The following PPM1F variants were observed in gnomAD, a reference collection of about 807,000 sequenced individuals.
The protein encoded by PPM1F is protein phosphatase, Mg2+/Mn2+ dependent 1F.
In PPM1F, 17 loss-of-function variants were observed where a neutral mutation model predicts 35.5. That is an observed-to-expected ratio of 0.48 (90% CI 0.33 to 0.72). PPM1F has a LOEUF of 0.72. PPM1F is among the 30% of genes least tolerant of loss of function. The pLI, the probability that PPM1F is intolerant of heterozygous loss-of-function variation, is 0.02. For synonymous variants in PPM1F, 241 were observed against 255.5 expected (o/e 0.94, Z 0.54); for missense variants, 521 against 613.0 (o/e 0.85, Z 1.59).
chr22:21,926,638 C>T (rs1193877912), intron 6 of PPM1F, among the ~76,000 whole-genome samples: 1 of 152,196 alleles, frequency 6.6e-6, no homozygotes, highest in African/African-American at 2.4e-5. Context: ...GCCTGCACAA[C>T]AGCATCCCTG....
Position 21,929,090 on chromosome 22 carries a change from C to T in PPM1F, c.891+2058G>A, listed in dbSNP as rs539223220. Among the ~76,000 whole-genome samples the T allele has an allele frequency of 5.3e-5, 8 of 152,278 alleles. No individual in the cohort carries two copies. The East Asian group carries it at 1.4e-3, about 26-fold the overall frequency. On this transcript the variant is annotated intron_variant, in intron 6 of 7. Transcript: ENST00000263212. The stretch of plus-strand genomic sequence containing the variant: ...CTGCTCTGGGCCGCTGCTGGACCCC[C>T]GTTGAAGCTCGCCAAGTTGAGGCCA...
chr22:21,939,489 T>G lies in PPM1F; in HGVS notation c.355+43A>C. 1 of 1,606,670 alleles carries G rather than the reference T, an allele frequency of 6.2e-7. No homozygotes were observed. Among genetic ancestry groups the G allele is most frequent in the South Asian group, 1.1e-5 (1 of 89,748 alleles). On this transcript the variant is annotated intron_variant, in intron 3 of 7. Coordinates refer to ENST00000263212, the MANE Select transcript of PPM1F (RefSeq NM_014634.4). This position sits in a 1 kb window ranked among gnomAD's most constrained non-coding sequence, Gnocchi z 5.1. ...CACAATGTCGTCACCCTTTGTTGCC[T>G]GCTAAGCAGCCCTGGGGCCACCTCA...
At chr22:21,930,001 C>A (rs1438112959) in intron 6 of PPM1F, among the ~76,000 whole-genome samples, 2 of 152,206 alleles carry the variant, frequency 1.3e-5, no homozygotes, top group Non-Finnish European at 2.9e-5. Flanking sequence ...CAAATCATCA[C>A]AGACAAGGAA....
At chr22:21,946,143 G>C (rs1298620837) in intron 1 of PPM1F, 35 bp from the exon 2 acceptor site, 1 of 1,093,304 alleles carries the variant, frequency 9.1e-7, no homozygotes, top group African/African-American at 1.6e-5. Flanking sequence ...AGAATCAGGG[G>C]GCCATGGCAC....
chr22:21,945,663 T>C, intron 2 of PPM1F, 180 bp downstream of exon 2: 1 of 593,180 alleles, frequency 1.7e-6, no homozygotes, highest in South Asian at 2.1e-5. Flanking sequence ...CTGTGTTGAG[T>C]GCCCAGTGTG....
At position 21,921,027 on chromosome 22, in the gene PPM1F, GT is replaced by G. The variant is rs927199918; in HGVS notation, c.*2064del. 20 of 151,860 alleles carry G rather than the reference GT, an allele frequency of 1.3e-4. 1 individual carries two copies. In the East Asian group the frequency reaches 2.3e-3, roughly 18 times the overall value. The allele number at this position is 151,860 out of a possible 1,614,324, so 9.4% of individuals were successfully genotyped here. On this transcript the variant is annotated 3_prime_UTR_variant, in exon 8 of 8. Transcript: ENST00000263212. Reference sequence around the variant, plus strand: ...CTGAATGACAGCGACTATGTTTAAGGTTTTTTTTTGTAAATAAGAGACCTTA... The same window carrying G: ...CTGAATGACAGCGACTATGTTTAAGGTTTTTTTTGTAAATAAGAGACCTTA...
At position 21,931,170 on chromosome 22, in the gene PPM1F, T is replaced by C; in HGVS notation, c.869A>G (p.Glu290Gly). 1 of 1,614,190 alleles carries C rather than the reference T, an allele frequency of 6.2e-7. No homozygotes were observed. The highest frequency in any genetic ancestry group is 8.5e-7 in the Non-Finnish European group (1 of 1,180,030). Reference protein sequence around the residue: ...VQQGQVVKLMEPHRPERQDEK... With the variant: ...VQQGQVVKLMGPHRPERQDEK... ...TACCTGCCGTTCTGGTCTGTGTGGC[T>C]CCATCAGCTTCACCACCTGTCCCTG... The change falls in exon 6 of 8, where the codon GAG (glutamate) becomes GGG (glycine). Residue 290 changes from glutamate (E) to glycine (G), a missense_variant. Physicochemically the swap from Glu to Gly is moderately conservative, Grantham distance 98. Coordinates refer to ENST00000263212, the MANE Select transcript of PPM1F (RefSeq NM_014634.4).
intron 6 of PPM1F, among the ~76,000 whole-genome samples, chr22:21,928,323 C>A (rs1199691644): frequency 6.6e-6 from 1 of 152,192 alleles, no homozygotes; most frequent in African/African-American, 2.4e-5. Context: ...CCTGCAGAGC[C>A]GGGACTCCTA....
Position 21,924,424 on chromosome 22 carries a change from C to G in PPM1F, c.986-953G>C, listed in dbSNP as rs147660074. Among the ~76,000 whole-genome samples, 1,009 of 152,278 alleles carry G rather than the reference C, an allele frequency of 6.6e-3. 5 individuals carry two copies. The highest frequency in any genetic ancestry group is 0.022 in the African/African-American group (899 of 41,534). On this transcript the variant is annotated intron_variant, in intron 7 of 7. Transcript: ENST00000263212. Reference sequence around the variant, plus strand: ...CTGCGATTACAGGCAGGCACCACCACGCCCGGCTAATGTTTTTTGTATTTT... The same window carrying G: ...CTGCGATTACAGGCAGGCACCACCAGGCCCGGCTAATGTTTTTTGTATTTT...
Position 21,934,187 on chromosome 22 carries a change from C to A in PPM1F, c.395G>T (p.Arg132Leu). 3 of 1,578,972 alleles carry A rather than the reference C, an allele frequency of 1.9e-6. No individual in the cohort carries two copies. The highest frequency in any genetic ancestry group is 2.6e-6 in the Non-Finnish European group (3 of 1,162,170). ...AQSLAQSFFN[R>L]LWEVAGQWQK... is the part of the protein sequence containing the mutation. ...CCACTGGCCGGCGACTTCCCAAAGG[C>A]GGTTAAAGAAACTCTGTGCCAGGCT... is the stretch of plus-strand genomic sequence containing the variant. The change falls in exon 4 of 8, where the codon CGC becomes CTC. Residue 132 changes from arginine (R) to leucine (L), a missense_variant. Arg to Leu is a moderately radical substitution (Grantham distance 102). Around this residue, in one of 3 missense-constraint regions of PPM1F, gnomAD observed 311 missense variants for 351.5 expected, o/e 0.88. Coordinates refer to ENST00000263212, the MANE Select transcript of PPM1F (RefSeq NM_014634.4).
At chr22:21,949,312 G>T (rs894946173) in intron 1 of PPM1F, 5 of 152,248 alleles carry the variant, frequency 3.3e-5, no homozygotes, top group African/African-American at 1.2e-4. Context: ...AAGGCAAGGG[G>T]TGAGGAGAGA....
chr22:21,938,761 G>A, intron 3 of PPM1F: 1 of 198,410 alleles, frequency 5.0e-6, no homozygotes, highest in Non-Finnish European at 9.1e-6. Context: ...CTTACGCCCT[G>A]TATTTCTGGT....
In PPM1F at chr22:21,921,706, G is replaced by C. The variant is rs1292069014; in HGVS notation, c.*1386C>G. On this transcript the variant is annotated 3_prime_UTR_variant, in exon 8 of 8. Coordinates refer to ENST00000263212, the MANE Select transcript of PPM1F (RefSeq NM_014634.4). The stretch of plus-strand genomic sequence containing the variant: ...AGCATCCCTGCTGCCTCCAGACTGA[G>C]ACAGAGACCCACGGGCTGCCTCTGT... 6.6e-6 allele frequency: 1 copy of C among 152,312 alleles called. No homozygotes were observed. Among genetic ancestry groups the C allele is most frequent in the Non-Finnish European group, 1.5e-5 (1 of 68,082 alleles). 9.4% of individuals were successfully genotyped at this position (152,312 alleles called of 1,614,324 possible).
At chr22:21,942,094 GT>G (rs2070731573) in intron 2 of PPM1F, 1 of 152,344 alleles carries the variant, frequency 6.6e-6, no homozygotes, top group Non-Finnish European at 1.5e-5. Flanking sequence ...GAGAGTGGGG[GT>G]CAGGGGAGCA....
chr22:21,925,193 C>T (rs766404689), intron 7 of PPM1F: 18 of 362,264 alleles, frequency 5.0e-5, no homozygotes, highest in East Asian at 3.7e-4. Context: ...CCGCGCCCAG[C>T]GAACCCACTT....
intron 3 of PPM1F, chr22:21,935,397 C>CT (rs2070647792): frequency 6.6e-6 from 1 of 152,138 alleles, no homozygotes; most frequent in Non-Finnish European, 1.5e-5. Context: ...AGGAGGGATC[C>CT]TGGTGATGGA....
rs9610615 is a variant in PPM1F at position 21,923,655 on chromosome 22, C to G, written c.986-184G>C. Among the ~76,000 whole-genome samples, 1,087 of 152,104 alleles carry G rather than the reference C, an allele frequency of 7.1e-3. 9 individuals are homozygous for G. The highest frequency in any genetic ancestry group is 9.5e-3 in the Non-Finnish European group (648 of 67,982). On this transcript the variant is annotated intron_variant, in intron 7 of 7. Transcript: ENST00000263212. ...TCCCACTTGCCTGGGAACGGAAACC[C>G]CTGACCTTGGCCTGTGAGCTCCCCC...
At chr22:21,925,332 G>C (rs2070499367) in intron 7 of PPM1F, 1 of 440,108 alleles carries the variant, frequency 2.3e-6, no homozygotes, top group Non-Finnish European at 4.1e-6. Context: ...GAGATTTGTA[G>C]GAGCTGTTTT....
chr22:21,934,334 C>T, intron 3 of PPM1F, 108 bp from the exon 4 acceptor site: 1 of 858,422 alleles, frequency 1.2e-6, no homozygotes, highest in Non-Finnish European at 1.8e-6. Context: ...CCCATCACCT[C>T]CCGGGGCATT....
Sources: allele counts gnomAD v4.1 joint callset (sites outside exome capture counted in the v4.1 genomes callset), GRCh38; gene constraint gnomAD v4.1.1; regional missense constraint gnomAD v4.1.1; non-coding constraint Gnocchi (gnomAD v3.1); transcripts MANE v1.5; gene names NCBI Gene and HGNC (gene_info 2026-07-23, HGNC 2026-07-21).